Variants in TRMT11 observed in about 807,000 individuals in gnomAD.
The protein encoded by TRMT11 is tRNA (guanine(10)-N(2))-methyltransferase TRMT11.
In TRMT11, 53 loss-of-function variants were observed where a neutral mutation model predicts 62.8. That is an observed-to-expected ratio of 0.84 (90% CI 0.68 to 1.06). The LOEUF (loss-of-function observed/expected upper bound fraction) is 1.06, where lower values mean the gene tolerates loss of function less well. Among genes scored for constraint, TRMT11 ranks in the 50% least tolerant of loss-of-function variants. The pLI is 0.00. For synonymous variants in TRMT11, 188 were observed against 190.3 expected, an observed-to-expected ratio of 0.99 and a Z score of 0.10; for missense variants, 556 against 553.4, an observed-to-expected ratio of 1.00 and a Z score of -0.05.
At chr6:126,075,462 G>T (rs1223101703) in intron 17 of TRMT11, among the ~76,000 whole-genome samples, 1 of 151,948 alleles carries the variant, frequency 6.6e-6, no homozygotes, top group Non-Finnish European at 1.5e-5. Flanking sequence ...TTGTTTAAAA[G>T]TGTGTAGCAG....
At chr6:126,034,186 C>T (rs921974267) in intron 12 of TRMT11, among the ~76,000 whole-genome samples, 1 of 152,034 alleles carries the variant, frequency 6.6e-6, no homozygotes, top group Non-Finnish European at 1.5e-5. Flanking sequence ...ATTTAGGCTA[C>T]AATTCTGGCA....
chr6:126,162,901 T>C (rs761108672), intron 21 of TRMT11, among the ~76,000 whole-genome samples: 7 of 152,214 alleles, frequency 4.6e-5, no homozygotes, highest in Non-Finnish European at 8.8e-5. Context: ...TTTTTGCACA[T>C]TGATTTTGTA....
intron 21 of TRMT11, among the ~76,000 whole-genome samples, chr6:126,163,567 TA>T (rs1440220127): frequency 6.6e-6 from 1 of 152,216 alleles, no homozygotes; most frequent in Non-Finnish European, 1.5e-5. Flanking sequence ...GCTGGCCTCA[TA>T]AAATGATTTA....
rs1777859504 is a variant in TRMT11 at position 126,137,085 on chromosome 6, T to C, written c.*1823+21230T>C. 2.6e-5 allele frequency among the ~76,000 whole-genome samples: 4 copies of C among 151,688 alleles called. No individual in the cohort carries two copies. In the South Asian group the frequency reaches 8.3e-4, roughly 31 times the overall value. Reference sequence around the variant, plus strand: ...GGACATTGGACTTAGCAAAGATTTTTTTGGATAAGACTTCAAAAGCACAGG... The same window carrying C: ...GGACATTGGACTTAGCAAAGATTTTCTTGGATAAGACTTCAAAAGCACAGG... On this transcript the variant is annotated intron_variant and NMD_transcript_variant, in intron 21 of 22. Transcript: ENST00000648977.
the TRMT11 span, among the ~76,000 whole-genome samples, chr6:126,239,014 T>G: frequency 6.6e-6 from 1 of 152,154 alleles, no homozygotes; most frequent in Non-Finnish European, 1.5e-5. Flanking sequence ...TCTGTTTTAT[T>G]AGAGACTAGG....
At chr6:126,249,105 A>AT in the TRMT11 span, among the ~76,000 whole-genome samples, 1 of 152,138 alleles carries the variant, frequency 6.6e-6, no homozygotes, top group Non-Finnish European at 1.5e-5. Context: ...GTACCAAAAA[A>AT]TTTTTAAAAA....
At chr6:126,093,600 TATATATATATATATATA>T (rs1777300864) in intron 17 of TRMT11, among the ~76,000 whole-genome samples, 2 of 82,674 alleles carry the variant, frequency 2.4e-5, no homozygotes, top group African/African-American at 1.5e-4. Context: ...TATATATATA[TATATATATATATATATA>T]TATATATATA....
chr6:126,195,607 A>T (rs1267649101), intron 1 of TRMT11, among the ~76,000 whole-genome samples: 2 of 152,180 alleles, frequency 1.3e-5, no homozygotes, highest in Non-Finnish European at 2.9e-5. Context: ...GACTTCCTTT[A>T]TCCTTCCTTA....
chr6:126,106,554 T>A (rs185128556), intron 17 of TRMT11, among the ~76,000 whole-genome samples: 3 of 152,266 alleles, frequency 2.0e-5, no homozygotes, highest in Non-Finnish European at 2.9e-5. Flanking sequence ...AGATAGATGT[T>A]GTATGGCAAA....
chr6:126,110,682 G>GTGTGTGCATGTGCGTGTGTA (rs1777521501), intron 17 of TRMT11, among the ~76,000 whole-genome samples: 1 of 152,112 alleles, frequency 6.6e-6, no homozygotes, highest in African/African-American at 2.4e-5. Flanking sequence ...GTGCGTGTGT[G>GTGTGTGCATGTGCGTGTGTA]TGTGTGCATG....
At chr6:126,053,467 G>A (rs1776275208) in intron 17 of TRMT11, among the ~76,000 whole-genome samples, 2 of 152,120 alleles carry the variant, frequency 1.3e-5, no homozygotes, top group Admixed American at 1.3e-4. Context: ...TTATGCTTTG[G>A]GTCACTATTT....
At chr6:126,182,597 C>G (rs1369052045) in intron 1 of TRMT11, among the ~76,000 whole-genome samples, 2 of 152,078 alleles carry the variant, frequency 1.3e-5, no homozygotes, top group Non-Finnish European at 2.9e-5. Context: ...CCCCACCATG[C>G]AGTGTGACCC....
chr6:126,062,336 T>C (rs1776559393), intron 17 of TRMT11, among the ~76,000 whole-genome samples: 1 of 152,254 alleles, frequency 6.6e-6, no homozygotes, highest in African/African-American at 2.4e-5. Context: ...GAGGGCACTT[T>C]TGAATCACTA....
chr6:126,040,662 C>G (rs1775849794), downstream of TRMT11, among the ~76,000 whole-genome samples: 1 of 151,874 alleles, frequency 6.6e-6, no homozygotes. Flanking sequence ...TCAGAAAGTC[C>G]TGTAGTTTGG....
intron 17 of TRMT11, among the ~76,000 whole-genome samples, chr6:126,101,096 A>G (rs1361482829): frequency 2.6e-5 from 4 of 152,106 alleles, no homozygotes; most frequent in African/African-American, 9.7e-5. Context: ...GATGAAGCAC[A>G]CTGCTCACTT....
chr6:126,070,557 G>A (rs909140898), intron 17 of TRMT11, among the ~76,000 whole-genome samples: 1 of 152,118 alleles, frequency 6.6e-6, no homozygotes, highest in Non-Finnish European at 1.5e-5. Context: ...TTAGTGGGAG[G>A]GTTTTGAGTG....
intron 21 of TRMT11, among the ~76,000 whole-genome samples, chr6:126,135,628 T>C (rs1777841378): frequency 6.6e-6 from 1 of 151,864 alleles, no homozygotes; most frequent in South Asian, 2.1e-4. Flanking sequence ...ACTTCCAAAT[T>C]CATTGTATAC....
At chr6:126,197,961 T>A (rs957388495) in intron 1 of TRMT11, among the ~76,000 whole-genome samples, 2 of 152,144 alleles carry the variant, frequency 1.3e-5, no homozygotes, top group Admixed American at 6.5e-5. Context: ...TAGTAGACCC[T>A]TTCTTATCCA....
At chr6:126,038,532 A>T (rs1357292510) in intron 12 of TRMT11, among the ~76,000 whole-genome samples, 173 bp from the exon 13 acceptor site, 3 of 151,950 alleles carry the variant, frequency 2.0e-5, no homozygotes, top group Non-Finnish European at 2.9e-5. Flanking sequence ...TTGGATATCC[A>T]AGCATGATAA....
Sources: allele counts gnomAD v4.1 joint callset (sites outside exome capture counted in the v4.1 genomes callset), GRCh38; gene constraint gnomAD v4.1.1; transcripts MANE v1.5; gene names NCBI Gene and HGNC (gene_info 2026-07-23, HGNC 2026-07-21).